The following FAM184A variants were observed in gnomAD, a reference collection of about 807,000 sequenced individuals.
FAM184A encodes the protein family with sequence similarity 184 member A, also known as protein FAM184A.
Under a neutral mutation model 143.8 loss-of-function variants are expected in FAM184A, and 99 were observed. The observed-to-expected ratio is 0.69, with a 90% CI of 0.58 to 0.81. The LOEUF (loss-of-function observed/expected upper bound fraction) is 0.81, where lower values mean the gene tolerates loss of function less well. FAM184A is among the 40% of genes least tolerant of loss of function. The probability of loss-of-function intolerance (pLI) is 0.00; values close to 1 mark genes in which losing one functional copy is unlikely to be tolerated. For synonymous variants in FAM184A, 427 were observed against 446.4 expected (o/e 0.96, Z 0.55); for missense variants, 1,217 against 1,310.5 (o/e 0.93, Z 1.10).
In FAM184A at chr6:119,024,635, G is replaced by A; in HGVS notation, c.338C>T (p.Ser113Leu). 1 of 1,614,028 alleles carries A rather than the reference G, an allele frequency of 6.2e-7. No individual in the cohort carries two copies. Among genetic ancestry groups the A allele is most frequent in the African/African-American group, 1.3e-5 (1 of 75,036 alleles). ...DLRRKIQVLESSLEDHIKMKQ... is the reference protein window; with the variant it reads ...DLRRKIQVLELSLEDHIKMKQ... ...CATTTTTATGTGATCTTCTAATGATGATTCTAAAACTTGAATCTTTCTTCT... is the reference window on the plus strand; with the variant it reads ...CATTTTTATGTGATCTTCTAATGATAATTCTAAAACTTGAATCTTTCTTCT... Residue 113 changes from serine to leucine, a missense_variant, in exon 2 of 18, where the codon TCA becomes TTA. By Grantham distance (145) the Ser-to-Leu change is moderately radical. Transcript: ENST00000338891.
intron 11 of FAM184A, among the ~76,000 whole-genome samples, chr6:118,978,812 T>C (rs147111847): frequency 2.0e-5 from 3 of 152,278 alleles, no homozygotes; most frequent in African/African-American, 7.2e-5. Flanking sequence ...TAAAAAGTTA[T>C]TGAATGACAT....
chr6:119,144,006 T>G (rs1369352335), intron 1 of FAM184A, among the ~76,000 whole-genome samples: 1 of 152,134 alleles, frequency 6.6e-6, no homozygotes, highest in Non-Finnish European at 1.5e-5. Flanking sequence ...GGCCTAGATG[T>G]GAGAAGGCAG....
Position 119,033,690 on chromosome 6 carries a change from A to T in FAM184A, c.160-8877T>A, listed in dbSNP as rs533585442. Among the ~76,000 whole-genome samples the T allele has an allele frequency of 3.3e-5, 5 of 149,256 alleles. No homozygotes were observed. In the East Asian group the frequency reaches 9.8e-4, roughly 29 times the overall value. ...AAAAAAAAAAAAAAGAAAGAAAGAAACTAAAGAAGTTACAGAATTAGGCCA... is the reference window on the plus strand; with the variant it reads ...AAAAAAAAAAAAAAGAAAGAAAGAATCTAAAGAAGTTACAGAATTAGGCCA... On this transcript the variant is annotated intron_variant, in intron 1 of 17. Transcript: ENST00000338891.
intron 1 of FAM184A, among the ~76,000 whole-genome samples, chr6:119,142,499 A>G (rs967746092): frequency 2.6e-5 from 4 of 152,200 alleles, no homozygotes; most frequent in African/African-American, 9.6e-5. Flanking sequence ...TTAACAACTC[A>G]CAGTGAATGC....
At chr6:119,101,770 G>C (rs376241543) in intron 1 of FAM184A, among the ~76,000 whole-genome samples, 2 of 152,066 alleles carry the variant, frequency 1.3e-5, no homozygotes, top group African/African-American at 4.8e-5. Context: ...AAGAATAAAG[G>C]ATAGGCTGGG....
At position 118,979,441 on chromosome 6, in the gene FAM184A, C is replaced by T; in HGVS notation, c.2379G>A (p.Glu793=). ...CCTGTTCCATTTCTATCCGGAAGCCCTCCATTGACTCTCTGTGTGCATCTT... is the reference window on the plus strand; with the variant it reads ...CCTGTTCCATTTCTATCCGGAAGCCTTCCATTGACTCTCTGTGTGCATCTT... ...SLKDAHRESM[E]GFRIEMEQEL... is the part of the protein sequence containing the mutation. The change falls in exon 11 of 18, where the codon GAG becomes GAA. Residue 793 remains glutamate (E), a synonymous_variant. Transcript: ENST00000338891. 7 of 1,613,784 alleles carry T rather than the reference C, an allele frequency of 4.3e-6. No individual in the cohort carries two copies. Among genetic ancestry groups the T allele is most frequent in the Non-Finnish European group, 5.9e-6 (7 of 1,179,830 alleles).
intron 1 of FAM184A, chr6:119,025,727 C>A: frequency 2.3e-6 from 1 of 433,344 alleles, no homozygotes. Context: ...GAGATGAGCC[C>A]ACTTTCTTCC....
chr6:119,029,068 G>A (rs536785467), intron 1 of FAM184A, among the ~76,000 whole-genome samples: 1 of 152,278 alleles, frequency 6.6e-6, no homozygotes, highest in South Asian at 2.1e-4. Context: ...AAGCCAACCA[G>A]CCAGAGAGAA....
At chr6:119,034,837 T>C (rs1459524755) in intron 1 of FAM184A, among the ~76,000 whole-genome samples, 5 of 152,136 alleles carry the variant, frequency 3.3e-5, no homozygotes, top group Non-Finnish European at 5.9e-5. Context: ...CCCAACCCTA[T>C]GCTAAACTAG....
intron 1 of FAM184A, among the ~76,000 whole-genome samples, chr6:119,144,306 C>G (rs1772347260): frequency 6.7e-6 from 1 of 150,008 alleles, no homozygotes; most frequent in Non-Finnish European, 1.5e-5. Context: ...TGCACTCCAG[C>G]CTGGGCCACA....
At chr6:119,115,519 C>T (rs1202340971) in intron 1 of FAM184A, among the ~76,000 whole-genome samples, 2 of 152,166 alleles carry the variant, frequency 1.3e-5, no homozygotes, top group Non-Finnish European at 2.9e-5. Context: ...TAGTGAGATC[C>T]TGTCTCTAAT....
intron 1 of FAM184A, among the ~76,000 whole-genome samples, chr6:119,072,035 T>C (rs1787709110): frequency 6.6e-6 from 1 of 152,034 alleles, no homozygotes; most frequent in Non-Finnish European, 1.5e-5. Flanking sequence ...TAATTTTTTG[T>C]ATTTTTTGTA....
chr6:119,051,138 CTAAAA>C lies in FAM184A; in HGVS notation c.160-26330_160-26326del, dbSNP rs572102479. On this transcript the variant is annotated intron_variant, in intron 1 of 17. Coordinates refer to ENST00000338891, the MANE Select transcript of FAM184A (RefSeq NM_024581.6). Reference sequence around the variant, plus strand: ...CAAACTCACACATGTACACCTGAACCTAAAATAAAAGTTTAAAAAAAGAAAATGTG... The same window carrying C: ...CAAACTCACACATGTACACCTGAACCTAAAAGTTTAAAAAAAGAAAATGTG... Among the ~76,000 whole-genome samples, 550 of 120,274 alleles carry C rather than the reference CTAAAA, an allele frequency of 4.6e-3. 2 individuals carry two copies. The highest frequency in any genetic ancestry group is 0.016 in the African/African-American group (514 of 31,298). The allele number at this position is 120,274 out of a possible 152,430, so 78.9% of individuals were successfully genotyped here. A position where few individuals can be genotyped will look rare whatever the true frequency, so the allele number is the denominator to read the frequency against.
intron 10 of FAM184A, 132 bp from the exon 11 acceptor site, chr6:118,979,650 C>T (rs1783959061): frequency 1.5e-6 from 1 of 675,994 alleles, no homozygotes; most frequent in Non-Finnish European, 2.4e-6. Flanking sequence ...TTCAAGAAAA[C>T]TAGACATAAG....
At chr6:119,131,424 A>G (rs1156794063) in intron 1 of FAM184A, among the ~76,000 whole-genome samples, 1 of 152,112 alleles carries the variant, frequency 6.6e-6, no homozygotes, top group Admixed American at 6.5e-5. Flanking sequence ...GCAATCTTAG[A>G]CTTCTTCCTT....
chr6:119,126,600 TG>T (rs1789373118), intron 1 of FAM184A, among the ~76,000 whole-genome samples: 1 of 152,238 alleles, frequency 6.6e-6, no homozygotes, highest in Admixed American at 6.5e-5. Context: ...GGGGAGTACC[TG>T]TGACTCCTGA....
Position 119,049,868 on chromosome 6 carries a change from A to C in FAM184A, c.160-25055T>G, listed in dbSNP as rs149426010. Among the ~76,000 whole-genome samples, 946 of 152,330 alleles carry C rather than the reference A, an allele frequency of 6.2e-3. 7 individuals are homozygous for C. The highest frequency in any genetic ancestry group is 0.021 in the African/African-American group (881 of 41,572). On this transcript the variant is annotated intron_variant, in intron 1 of 17. Transcript: ENST00000338891. Reference sequence around the variant, plus strand: ...TTAAGCTAAAGAGCTTCTGCACAGCAAAAGAAACTATCATTAGAGTGAACA... The same window carrying C: ...TTAAGCTAAAGAGCTTCTGCACAGCCAAAGAAACTATCATTAGAGTGAACA...
At chr6:119,127,762 A>G (rs1378650578) in intron 1 of FAM184A, among the ~76,000 whole-genome samples, 2 of 152,138 alleles carry the variant, frequency 1.3e-5, no homozygotes, top group African/African-American at 4.8e-5. Context: ...GTGGGGAGAG[A>G]AAGGTTGAGA....
chr6:119,049,385 T>C (rs1289577780), intron 1 of FAM184A, among the ~76,000 whole-genome samples: 1 of 152,120 alleles, frequency 6.6e-6, no homozygotes, highest in African/African-American at 2.4e-5. Context: ...GAGGCAGAGA[T>C]TGCAGTGAGC....
Sources: allele counts gnomAD v4.1 joint callset (sites outside exome capture counted in the v4.1 genomes callset), GRCh38; gene constraint gnomAD v4.1.1; transcripts MANE v1.5; gene names NCBI Gene and HGNC (gene_info 2026-07-23, HGNC 2026-07-21).